The following WWOX variants were observed in gnomAD, a reference collection of about 807,000 sequenced individuals.
WWOX encodes the protein WW domain containing oxidoreductase.
Under a neutral mutation model 46.2 loss-of-function variants are expected in WWOX, and 69 were observed. The observed-to-expected ratio is 1.49, with a 90% CI of 1.23 to 1.82. WWOX has a LOEUF of 1.82. WWOX is among the 40% of genes most tolerant of loss of function. The probability of loss-of-function intolerance (pLI) is 0.00; values close to 1 mark genes in which losing one functional copy is unlikely to be tolerated. For missense variants in WWOX, 919 were observed against 542.6 expected, an observed-to-expected ratio of 1.69 and a Z score of -6.89; for synonymous variants, 359 against 202.6, an observed-to-expected ratio of 1.77 and a Z score of -6.56.
At chr16:78,855,617 A>G (rs2052547740) in intron 8 of WWOX, among the ~76,000 whole-genome samples, 1 of 152,200 alleles carries the variant, frequency 6.6e-6, no homozygotes, top group Non-Finnish European at 1.5e-5. Context: ...CAGATTCTAG[A>G]GCTAACCGAA....
intron 8 of WWOX, among the ~76,000 whole-genome samples, chr16:78,804,566 C>T (rs2050978418): frequency 6.6e-6 from 1 of 152,198 alleles, no homozygotes; most frequent in African/African-American, 2.4e-5. Flanking sequence ...GTGGTTTCTC[C>T]CACTGGAGGG....
intron 8 of WWOX, among the ~76,000 whole-genome samples, chr16:79,045,439 A>T (rs1017479742): frequency 6.6e-6 from 1 of 152,102 alleles, no homozygotes; most frequent in Non-Finnish European, 1.5e-5. Flanking sequence ...GGGTGAGAGG[A>T]TACTCTCAGG....
intron 8 of WWOX, among the ~76,000 whole-genome samples, chr16:78,514,768 A>G (rs561116375): frequency 1.3e-5 from 2 of 152,326 alleles, no homozygotes; most frequent in South Asian, 4.1e-4. Context: ...TTGAAAATAG[A>G]TATACATAAA....
At chr16:78,866,712 A>T (rs1446161064) in intron 8 of WWOX, among the ~76,000 whole-genome samples, 1 of 152,196 alleles carries the variant, frequency 6.6e-6, no homozygotes, top group Non-Finnish European at 1.5e-5. Context: ...CACGCAAATC[A>T]AGGACATTGG....
chr16:78,938,993 A>G (rs2045798098), intron 8 of WWOX, among the ~76,000 whole-genome samples: 1 of 152,174 alleles, frequency 6.6e-6, no homozygotes, highest in Non-Finnish European at 1.5e-5. Context: ...TTAGATTGAA[A>G]TCTGATGTGG....
rs115509490 is a variant in WWOX, at chr16:78,668,594, A to T, written c.1056+235842A>T. Among the ~76,000 whole-genome samples the T allele has an allele frequency of 2.0e-3, 300 of 152,306 alleles. 1 individual carries two copies. The highest frequency in any genetic ancestry group is 6.9e-3 in the African/African-American group (287 of 41,568). On this transcript the variant is annotated intron_variant, in intron 8 of 8. Coordinates refer to ENST00000566780, the MANE Select transcript of WWOX (RefSeq NM_016373.4). Reference sequence around the variant, plus strand: ...AGTTACCAAGAGAGGTAGGTGAGAGACAGGAGTTGTTATCTGCGGGGAACA... The same window carrying T: ...AGTTACCAAGAGAGGTAGGTGAGAGTCAGGAGTTGTTATCTGCGGGGAACA...
At chr16:78,200,878 T>A (rs2036209568) in intron 5 of WWOX, among the ~76,000 whole-genome samples, 1 of 152,178 alleles carries the variant, frequency 6.6e-6, no homozygotes, top group Non-Finnish European at 1.5e-5. Context: ...CAATTAAAAA[T>A]TCCTTTCATT....
chr16:78,288,006 A>T (rs1423940573), intron 5 of WWOX, among the ~76,000 whole-genome samples: 1 of 152,120 alleles, frequency 6.6e-6, no homozygotes, highest in Non-Finnish European at 1.5e-5. Context: ...TTTAGGAGAA[A>T]CATTTCCCTA....
intron 8 of WWOX, among the ~76,000 whole-genome samples, chr16:78,711,629 T>C (rs949655348): frequency 1.3e-5 from 2 of 152,182 alleles, no homozygotes; most frequent in Non-Finnish European, 2.9e-5. Flanking sequence ...CATTCCTATA[T>C]AACATCGTCT....
At chr16:78,662,044 A>T (rs1228350979) in intron 8 of WWOX, among the ~76,000 whole-genome samples, 1 of 152,188 alleles carries the variant, frequency 6.6e-6, no homozygotes, top group African/African-American at 2.4e-5. Flanking sequence ...ACCATGTCTC[A>T]AAATAATGAT....
chr16:78,577,608 C>G (rs1597294953), intron 8 of WWOX, among the ~76,000 whole-genome samples: 2 of 152,288 alleles, frequency 1.3e-5, no homozygotes, highest in East Asian at 3.9e-4. Flanking sequence ...GCTTTCTGGG[C>G]TTTGGTTCCT....
At chr16:78,135,144 C>T (rs2033743425) in intron 4 of WWOX, among the ~76,000 whole-genome samples, 2 of 152,160 alleles carry the variant, frequency 1.3e-5, no homozygotes, top group Admixed American at 6.5e-5. Context: ...CAGATTCCAC[C>T]CTCAGGCTTC....
At chr16:78,723,551 A>G (rs2048743286) in intron 8 of WWOX, among the ~76,000 whole-genome samples, 1 of 130,202 alleles carries the variant, frequency 7.7e-6, no homozygotes, top group Non-Finnish European at 1.7e-5. Flanking sequence ...CTTGATTCCC[A>G]GCCTTCTTTT....
intron 8 of WWOX, among the ~76,000 whole-genome samples, chr16:78,580,453 G>A (rs1024351188): frequency 5.9e-5 from 9 of 152,188 alleles, no homozygotes; most frequent in African/African-American, 2.2e-4. Flanking sequence ...TAACCTTGTT[G>A]TGGAGCTGAG....
intron 8 of WWOX, among the ~76,000 whole-genome samples, chr16:78,438,983 G>C (rs1597086931): frequency 6.6e-6 from 1 of 152,152 alleles, no homozygotes; most frequent in African/African-American, 2.4e-5. Flanking sequence ...ACGTAATGAA[G>C]GAGATAATAG....
chr16:78,469,443 G>C (rs573711743), intron 8 of WWOX, among the ~76,000 whole-genome samples: 1 of 152,190 alleles, frequency 6.6e-6, no homozygotes, highest in African/African-American at 2.4e-5. Context: ...GCAACAAGGA[G>C]ACTAGTGTTC....
At chr16:78,799,885 A>G (rs959462318) in intron 8 of WWOX, among the ~76,000 whole-genome samples, 1 of 152,204 alleles carries the variant, frequency 6.6e-6, no homozygotes. Flanking sequence ...GTAGCTTTAG[A>G]AAAATTTCTA....
intron 8 of WWOX, among the ~76,000 whole-genome samples, chr16:79,032,559 T>G (rs2047784650): frequency 6.7e-6 from 1 of 148,312 alleles, no homozygotes; most frequent in African/African-American, 2.5e-5. Context: ...TGTAATATAC[T>G]TTCCATACAT....
intron 8 of WWOX, among the ~76,000 whole-genome samples, chr16:78,578,438 C>T (rs867184436): frequency 6.6e-6 from 1 of 150,460 alleles, no homozygotes; most frequent in African/African-American, 2.4e-5. Context: ...TATAGGCGCC[C>T]ACCACCATGC....
Sources: gnomAD v4.1 joint callset for allele counts (sites outside exome capture counted in the v4.1 genomes callset) on GRCh38, gnomAD v4.1.1 for gene constraint, MANE v1.5 for transcripts, NCBI Gene and HGNC (gene_info 2026-07-23, HGNC 2026-07-21) for gene names.